SH3D19: variants seen among roughly 807,000 people sequenced by gnomAD.
SH3D19 encodes the protein SH3 domain-containing protein 19.
Under a neutral mutation model 112.1 loss-of-function variants are expected in SH3D19, and 58 were observed. The ratio of observed to expected loss-of-function variants is 0.52; its 90% CI spans 0.42 to 0.64. The LOEUF is 0.64. SH3D19 is among the 30% of genes least tolerant of loss of function. The pLI is 0.00. For synonymous variants in SH3D19, 391 were observed against 448.5 expected (o/e 0.87, Z 1.62); for missense variants, 1,090 against 1,263.4 (o/e 0.86, Z 2.08).
At chr4:151,127,582 T>C in intron 19 of SH3D19, 36 bp downstream of exon 19, 1 of 1,244,846 alleles carries the variant, frequency 8.0e-7, no homozygotes, top group Non-Finnish European at 1.1e-6. Flanking sequence ...AAAATTATAG[T>C]GCTTAATGCA....
At chr4:151,139,736 G>T (rs1334400285) in intron 13 of SH3D19, 39 bp downstream of exon 13, 1 of 1,582,676 alleles carries the variant, frequency 6.3e-7, no homozygotes, top group South Asian at 1.1e-5. Flanking sequence ...CTTACTCCTG[G>T]ATCCTGTGGT....
At chr4:151,306,386 C>T (rs1728915205) in intron 1 of SH3D19, among the ~76,000 whole-genome samples, 2 of 152,128 alleles carry the variant, frequency 1.3e-5, no homozygotes, top group Non-Finnish European at 2.9e-5. Context: ...GACAAAAGAA[C>T]CTGCCTTCCA....
intron 12 of SH3D19, 196 bp from the exon 13 acceptor site, chr4:151,140,043 G>T: frequency 7.6e-6 from 4 of 528,636 alleles, no homozygotes; most frequent in Middle Eastern, 4.4e-4. Context: ...CCTTGCTAAG[G>T]GAGGATGAAA....
chr4:151,125,845 C>CAAA (rs66688611), intron 19 of SH3D19, among the ~76,000 whole-genome samples: 1,413 of 94,162 alleles, frequency 0.015, 4 homozygotes, highest in Non-Finnish European at 0.019. Flanking sequence ...ATCTCAAAAA[C>CAAA]AAAAAAAAAA....
chr4:151,285,113 T>C (rs544768772), intron 1 of SH3D19, among the ~76,000 whole-genome samples: 1 of 152,144 alleles, frequency 6.6e-6, no homozygotes, highest in East Asian at 1.9e-4. Context: ...AAAAAGAGTG[T>C]CATTCCTTTC....
chr4:151,301,913 AAGG>A (rs1728462905), intron 1 of SH3D19, among the ~76,000 whole-genome samples: 1 of 152,198 alleles, frequency 6.6e-6, no homozygotes, highest in South Asian at 2.1e-4. Context: ...TATTATTTGC[AAGG>A]AGTTTATGAA....
At chr4:151,240,325 C>G (rs1770458488) in intron 1 of SH3D19, among the ~76,000 whole-genome samples, 1 of 151,584 alleles carries the variant, frequency 6.6e-6, no homozygotes, top group South Asian at 2.1e-4. Flanking sequence ...GCAGGAGGAT[C>G]CCTTAAACCC....
At chr4:151,269,876 A>G (rs112285354) in intron 1 of SH3D19, among the ~76,000 whole-genome samples, 2 of 152,226 alleles carry the variant, frequency 1.3e-5, no homozygotes, top group African/African-American at 2.4e-5. Flanking sequence ...ACACAAGCAC[A>G]CACATTAGCC....
intron 1 of SH3D19, among the ~76,000 whole-genome samples, chr4:151,304,786 G>A (rs1728778954): frequency 6.6e-6 from 1 of 152,142 alleles, no homozygotes. Context: ...ATGGGCATAT[G>A]CTCAGAAAAG....
intron 1 of SH3D19, chr4:151,279,180 G>A: frequency 2.9e-6 from 1 of 345,602 alleles, no homozygotes. Flanking sequence ...TGAGTATACA[G>A]GTCACCAGCA....
intron 8 of SH3D19, among the ~76,000 whole-genome samples, chr4:151,165,199 A>C (rs1304483252): frequency 6.6e-6 from 1 of 152,126 alleles, no homozygotes; most frequent in Non-Finnish European, 1.5e-5. Context: ...AAAATTAGCC[A>C]GGTGTGGTGG....
chr4:151,133,377 T>C (rs1213408789), intron 15 of SH3D19, 141 bp from the exon 16 acceptor site: 2 of 704,394 alleles, frequency 2.8e-6, no homozygotes, highest in East Asian at 2.7e-5. Flanking sequence ...AATTATTCCA[T>C]GAAAAAGAGT....
At chr4:151,246,451 G>A (rs945734397) in intron 1 of SH3D19, among the ~76,000 whole-genome samples, 1 of 152,186 alleles carries the variant, frequency 6.6e-6, no homozygotes, top group Admixed American at 6.5e-5. Flanking sequence ...CCATTGGTAG[G>A]AGTGGGTATG....
chr4:151,227,315 T>C (rs1299448597), intron 1 of SH3D19, among the ~76,000 whole-genome samples: 2 of 152,118 alleles, frequency 1.3e-5, no homozygotes, highest in South Asian at 4.1e-4. Context: ...TCTGAATGAG[T>C]TCATAATAAA....
At chr4:151,237,406 G>C (rs186989725) in intron 1 of SH3D19, among the ~76,000 whole-genome samples, 1 of 152,196 alleles carries the variant, frequency 6.6e-6, no homozygotes, top group African/African-American at 2.4e-5. Context: ...AAGAAGGTCA[G>C]CACCAATTGC....
At chr4:151,293,640 C>G (rs1341551209) in intron 1 of SH3D19, among the ~76,000 whole-genome samples, 1 of 152,186 alleles carries the variant, frequency 6.6e-6, no homozygotes, top group African/African-American at 2.4e-5. Context: ...TATTCTCCTC[C>G]ACAGCATTCA....
intron 12 of SH3D19, among the ~76,000 whole-genome samples, chr4:151,143,434 T>G (rs1753371186): frequency 6.6e-6 from 1 of 152,096 alleles, no homozygotes; most frequent in South Asian, 2.1e-4. Flanking sequence ...GATTTTCATA[T>G]GCCAGCAGAA....
intron 7 of SH3D19, 24 bp downstream of exon 7, chr4:151,174,646 C>T: frequency 6.7e-7 from 1 of 1,496,072 alleles, no homozygotes; most frequent in Non-Finnish European, 8.9e-7. Context: ...TTAGATTCCC[C>T]TCCACTGCTG....
At chr4:151,242,765 CATCTGGTTATGAGAGCTT>C (rs1250195453) in intron 1 of SH3D19, among the ~76,000 whole-genome samples, 12 of 152,114 alleles carry the variant, frequency 7.9e-5, no homozygotes, top group African/African-American at 2.7e-4. Flanking sequence ...AGACATAAAG[CATCTGGTTATGAGAGCTT>C]CACTAATAGA....
Sources: gnomAD v4.1 joint callset for allele counts (sites outside exome capture counted in the v4.1 genomes callset) on GRCh38, gnomAD v4.1.1 for gene constraint, MANE v1.5 for transcripts, NCBI Gene and HGNC (gene_info 2026-07-23, HGNC 2026-07-21) for gene names.